Variants in ADAD1 observed in about 807,000 individuals in gnomAD.
The protein encoded by ADAD1 is adenosine deaminase domain-containing protein 1.
ADAD1 carries 46 observed loss-of-function variants against 66.8 expected under a neutral mutation model. The observed-to-expected ratio is 0.69, with a 90% CI of 0.54 to 0.88. The LOEUF is 0.88. Ranked by LOEUF, ADAD1 falls within the 40% of genes least tolerant of loss-of-function variation. The probability of loss-of-function intolerance (pLI) is 0.00; values close to 1 mark genes in which losing one functional copy is unlikely to be tolerated. For missense variants in ADAD1, 617 were observed against 681.8 expected (o/e 0.91, Z 1.06); for synonymous variants, 248 against 229.4 (o/e 1.08, Z -0.73).
At chr4:122,408,053 T>C in intron 8 of ADAD1, 22 bp downstream of exon 8, 1 of 1,596,144 alleles carries the variant, frequency 6.3e-7, no homozygotes, top group Non-Finnish European at 8.5e-7. Flanking sequence ...CATATATTAA[T>C]GTTATTAAAT....
intron 7 of ADAD1, among the ~76,000 whole-genome samples, chr4:122,404,095 A>G (rs1231063316): frequency 3.3e-5 from 5 of 152,122 alleles, no homozygotes; most frequent in Non-Finnish European, 7.3e-5. Context: ...AGGAGGCTAT[A>G]ATCCTCCCCA....
chr4:122,381,158 C>T lies in ADAD1; in HGVS notation c.339C>T (p.Asp113=). The T allele has an allele frequency of 1.3e-6, 2 of 1,562,642 alleles. No individual in the cohort carries two copies. The highest frequency in any genetic ancestry group is 1.2e-5 in the South Asian group (1 of 81,694). ...QFAQMQRVQL[D]LKETVTTGNV... is the part of the protein sequence containing the mutation. ...CACAAATGCAGCGAGTTCAGCTTGA[C>T]CTTAAGGAAACTGTGACAACAGGCA... Residue 113 remains aspartate, a synonymous_variant, in exon 4 of 13, where the codon GAC becomes GAT. Transcript: ENST00000296513.
At chr4:122,401,720 G>T (rs1204179390) in intron 7 of ADAD1, among the ~76,000 whole-genome samples, 4 of 151,848 alleles carry the variant, frequency 2.6e-5, no homozygotes. Flanking sequence ...TTTTCTTGTT[G>T]GACTAATCCT....
chr4:122,426,124 A>G (rs965335663), intron 12 of ADAD1, among the ~76,000 whole-genome samples: 2 of 152,140 alleles, frequency 1.3e-5, no homozygotes, highest in Non-Finnish European at 2.9e-5. Flanking sequence ...AGAAAAAAAT[A>G]ACAGATAACA....
chr4:122,423,703 T>C (rs1298051945), intron 12 of ADAD1, among the ~76,000 whole-genome samples: 1 of 152,146 alleles, frequency 6.6e-6, no homozygotes, highest in Non-Finnish European at 1.5e-5. Context: ...ATATAGACAG[T>C]GGAATATAAT....
chr4:122,393,736 T>C (rs1795565765), intron 6 of ADAD1, 79 bp downstream of exon 6: 1 of 1,157,474 alleles, frequency 8.6e-7, no homozygotes, highest in African/African-American at 1.6e-5. Flanking sequence ...AAAATAAGCA[T>C]AGGTATGAAA....
At position 122,383,783 on chromosome 4, in the gene ADAD1, T is replaced by A; in HGVS notation, c.362-16T>A. 1 of 1,576,680 alleles carries A rather than the reference T, an allele frequency of 6.3e-7. No individual in the cohort carries two copies. The highest frequency in any genetic ancestry group is 1.4e-5 in the African/African-American group (1 of 73,126). The stretch of plus-strand genomic sequence containing the variant: ...ATAAAAATTATTGTAGCATTCATTC[T>A]GAGTTCTTTTTCAAGGTAATGTTAT... On this transcript the variant is annotated splice_polypyrimidine_tract_variant and intron_variant, in intron 4 of 12. Coordinates refer to ENST00000296513, the MANE Select transcript of ADAD1 (RefSeq NM_139243.4).
intron 4 of ADAD1, among the ~76,000 whole-genome samples, chr4:122,381,468 T>C (rs543454087): frequency 6.6e-6 from 1 of 152,344 alleles, no homozygotes; most frequent in African/African-American, 2.4e-5. Flanking sequence ...TCCTGTATCA[T>C]AAACATGCTT....
chr4:122,393,651 C>T lies in ADAD1; in HGVS notation c.592C>T (p.His198Tyr), dbSNP rs1795560799. 1.3e-6 allele frequency: 2 copies of T among 1,594,228 alleles called. No individual in the cohort carries two copies. Residue 198 changes from histidine to tyrosine, a missense_variant, in exon 6 of 13, where the codon CAT becomes TAT. By Grantham distance (83) the His-to-Tyr change is moderately conservative. Coordinates refer to ENST00000296513, the MANE Select transcript of ADAD1 (RefSeq NM_139243.4). ...LSELAYVSKV[H>Y]YEGRHIQYAK... ...TGAACTAGCATATGTTTCAAAAGTA[C>T]ATTATGGTAGGAAAGTTTTTTGTGA...
Position 122,421,280 on chromosome 4 carries a change from A to T in ADAD1, c.1507A>T (p.Met503Leu). Residue 503 changes from methionine (M) to leucine (L), a missense_variant, in exon 12 of 13, where the codon ATG (methionine) becomes TTG (leucine). Transcript: ENST00000296513. ...GCTTAGTTCCCCATTTAAAAGTGGTATGTCAATGGCAAGTCGGCTTTGTAA... is the reference window on the plus strand; with the variant it reads ...GCTTAGTTCCCCATTTAAAAGTGGTTTGTCAATGGCAAGTCGGCTTTGTAA... The part of the protein sequence containing the change: ...ITESSPFKSG[M>L]SMASRLCKAA... 3 of 1,600,280 alleles carry T rather than the reference A, an allele frequency of 1.9e-6. No individual in the cohort carries two copies. Among genetic ancestry groups the T allele is most frequent in the Non-Finnish European group, 1.7e-6 (2 of 1,171,270 alleles).
At chr4:122,426,936 G>C (rs140509110) in intron 12 of ADAD1, among the ~76,000 whole-genome samples, 3 of 152,312 alleles carry the variant, frequency 2.0e-5, no homozygotes, top group Non-Finnish European at 4.4e-5. Context: ...GGAAGAAGGC[G>C]AGAATGTGTG....
chr4:122,380,466 C>G (rs1250916917), intron 3 of ADAD1: 4 of 528,116 alleles, frequency 7.6e-6, no homozygotes, highest in Admixed American at 3.7e-5. Flanking sequence ...TGTTCAAACC[C>G]CCCCCTTCAA....
intron 5 of ADAD1, among the ~76,000 whole-genome samples, chr4:122,386,869 G>A (rs920476031): frequency 1.3e-5 from 2 of 152,034 alleles, no homozygotes; most frequent in African/African-American, 4.8e-5. Flanking sequence ...TATTTCTGAG[G>A]TATCTATTCT....
chr4:122,397,894 A>T (rs892286478), intron 7 of ADAD1, among the ~76,000 whole-genome samples: 13 of 152,182 alleles, frequency 8.5e-5, no homozygotes, highest in Admixed American at 8.5e-4. Context: ...GTATGAATAT[A>T]AGCAGGAAAA....
chr4:122,413,851 C>CATAGATAT (rs1796580951), intron 10 of ADAD1, among the ~76,000 whole-genome samples: 1 of 126,604 alleles, frequency 7.9e-6, no homozygotes, highest in Non-Finnish European at 1.7e-5. Context: ...TATGATAGAT[C>CATAGATAT]ATATATATAT....
intron 8 of ADAD1, among the ~76,000 whole-genome samples, chr4:122,410,574 G>C (rs1203813875): frequency 2.0e-5 from 3 of 152,138 alleles, no homozygotes; most frequent in Non-Finnish European, 4.4e-5. Context: ...ACCATTAAAT[G>C]TGTAATGATC....
intron 5 of ADAD1, among the ~76,000 whole-genome samples, chr4:122,389,656 T>G (rs1241894102): frequency 6.6e-6 from 1 of 152,224 alleles, no homozygotes; most frequent in East Asian, 1.9e-4. Flanking sequence ...AAGTCTGTTT[T>G]GTCAGAGACT....
chr4:122,405,924 G>A (rs1170826938), intron 7 of ADAD1, among the ~76,000 whole-genome samples: 2 of 151,996 alleles, frequency 1.3e-5, no homozygotes, highest in African/African-American at 4.8e-5. Flanking sequence ...TTCTTTTTGG[G>A]GGGGCTGAAA....
intron 11 of ADAD1, 40 bp downstream of exon 11, chr4:122,415,656 G>C (rs773495403): frequency 6.5e-7 from 1 of 1,535,588 alleles, no homozygotes; most frequent in East Asian, 2.3e-5. Flanking sequence ...TATTACTTAA[G>C]CAAAAGAAGA....
Sources: allele counts gnomAD v4.1 joint callset (sites outside exome capture counted in the v4.1 genomes callset), GRCh38; gene constraint gnomAD v4.1.1; transcripts MANE v1.5; gene names NCBI Gene and HGNC (gene_info 2026-07-23, HGNC 2026-07-21).